Variants in LIF observed in about 807,000 individuals in gnomAD.
LIF encodes LIF interleukin 6 family cytokine.
A neutral mutation model predicts 15.0 loss-of-function variants in LIF; 9 were observed. The ratio of observed to expected loss-of-function variants is 0.60; its 90% CI spans 0.36 to 1.04. LIF has a LOEUF of 1.04. LIF is among the 50% of genes least tolerant of loss of function. The pLI, the probability that LIF is intolerant of heterozygous loss-of-function variation, is 0.01. For synonymous variants in LIF, 122 were observed against 119.7 expected (o/e 1.02, Z -0.13); for missense variants, 240 against 266.7 (o/e 0.90, Z 0.70).
Position 30,244,777 on chromosome 22 carries a change from G to T in LIF, c.176C>A (p.Ala59Asp). The change falls in exon 2 of 3, where the codon GCC becomes GAC. Residue 59 changes from alanine (A) to aspartate (D), a missense_variant. Physicochemically the swap from Ala to Asp is moderately radical, Grantham distance 126. Coordinates refer to ENST00000249075, the MANE Select transcript of LIF (RefSeq NM_002309.5). ...TACATAGAGAATAAAGAGGGCATTG[G>T]CACTGCCATTGAGCTGTGCCAGTTG... ...RSQLAQLNGS[A>D]NALFILYYTA... 3.1e-6 allele frequency: 5 copies of T among 1,614,160 alleles called. No homozygotes were observed. The highest frequency in any genetic ancestry group is 4.2e-6 in the Non-Finnish European group (5 of 1,179,994).
In LIF at chr22:30,244,937, G is replaced by A. The variant is rs141006128; in HGVS notation, c.20-4C>T. On this transcript the variant is annotated splice_polypyrimidine_tract_variant and splice_region_variant and intron_variant, in intron 1 of 2. Transcript: ENST00000249075. ...ACCAACAGCAGGGGCACAACTCCTG[G>A]GGACAGTCAGGAAGAAGCCATGAGT... 9.2e-4 allele frequency: 1,478 copies of A among 1,613,928 alleles called. 13 individuals are homozygous for A. In the African/African-American group the frequency reaches 0.018, roughly 19 times the overall value.
Position 30,243,771 on chromosome 22 carries a change from A to G in LIF, c.489T>C (p.His163=), listed in dbSNP as rs770356251. ...CRLCSKYHVG[H]VDVTYGPDTS... ...TGTCAGGGCCGTAGGTCACGTCCAC[A>G]TGGCCCACGTGGTACTTGCTGCACA... Residue 163 remains histidine (H), a synonymous_variant, in exon 3 of 3, where the codon CAT becomes CAC. Transcript: ENST00000249075. The surrounding 1 kb of genome is among the most constrained non-coding windows in gnomAD (Gnocchi z 6.0). 7 of 1,614,244 alleles carry G rather than the reference A, an allele frequency of 4.3e-6. No homozygotes were observed. The highest frequency in any genetic ancestry group is 2.2e-5 in the East Asian group (1 of 44,892).
rs745965314 is a variant in LIF at position 30,245,067 on chromosome 22, T to A, written c.20-134A>T. 8 of 797,078 alleles carry A rather than the reference T, an allele frequency of 1.0e-5. 1 individual carries two copies. The highest frequency in any genetic ancestry group is 1.7e-5 in the Non-Finnish European group (8 of 471,322). 49.4% of individuals were successfully genotyped at this position (797,078 alleles called of 1,614,324 possible). A position where few individuals can be genotyped will look rare whatever the true frequency, so the allele number is the denominator to read the frequency against. Reference sequence around the variant, plus strand: ...GGTTCCCCCTCACCACCTGCAGCTGTCTTCCTGGGGCCTAGTCTTCACTCT... The same window carrying A: ...GGTTCCCCCTCACCACCTGCAGCTGACTTCCTGGGGCCTAGTCTTCACTCT... On this transcript the variant is annotated intron_variant, in intron 1 of 2. Coordinates refer to ENST00000249075, the MANE Select transcript of LIF (RefSeq NM_002309.5).
At chr22:30,244,399 C>G (rs1453162263) in intron 2 of LIF, among the ~76,000 whole-genome samples, 1 of 152,134 alleles carries the variant, frequency 6.6e-6, no homozygotes, top group Non-Finnish European at 1.5e-5. Context: ...TTCCGGGACG[C>G]CCCTCCATGC....
chr22:30,242,303 C>G lies in LIF; in HGVS notation c.*1348G>C, dbSNP rs929272. 0.26 allele frequency: 39,860 copies of G among 151,834 alleles called. 6,408 individuals are homozygous for G. The highest frequency in any genetic ancestry group is 0.46 in the South Asian group (2,186 of 4,800). 9.4% of individuals were successfully genotyped at this position (151,834 alleles called of 1,614,324 possible). On this transcript the variant is annotated 3_prime_UTR_variant, in exon 3 of 3. Transcript: ENST00000249075. ...GCCCCTGCAGCCTGGACCCTGACAC[C>G]CTAAAGCAAGTCACAGTAGGGGATG...
In LIF at chr22:30,244,864, A is replaced by G. The variant is rs1193881099; in HGVS notation, c.89T>C (p.Val30Ala). The change falls in exon 2 of 3, where the codon GTC (valine) becomes GCC (alanine). Residue 30 changes from valine to alanine, a missense_variant. Coordinates refer to ENST00000249075, the MANE Select transcript of LIF (RefSeq NM_002309.5). ...GAGSPLPITP[V>A]NATCAIRHPC... ...GTGGCGTATGGCACAGGTGGCGTTG[A>G]CAGGGGTGATGGGGAGGGGGCTCCC... 6.2e-7 allele frequency: 1 copy of G among 1,614,170 alleles called. No individual in the cohort carries two copies. Among genetic ancestry groups the G allele is most frequent in the African/African-American group, 1.3e-5 (1 of 75,042 alleles).
chr22:30,243,269 G>A lies in LIF; in HGVS notation c.*382C>T, dbSNP rs539838337. 2.5e-4 allele frequency: 86 copies of A among 350,016 alleles called. 3 individuals are homozygous for A. The highest frequency in any genetic ancestry group is 2.2e-3 in the South Asian group (84 of 38,506). 21.7% of individuals were successfully genotyped at this position (350,016 alleles called of 1,614,324 possible). The stretch of plus-strand genomic sequence containing the variant: ...GATGGTGATAATTTGCTGGGGGCTG[G>A]TCCACTCCCCTGGGCCCTGCTGTCT... On this transcript the variant is annotated 3_prime_UTR_variant, in exon 3 of 3. Coordinates refer to ENST00000249075, the MANE Select transcript of LIF (RefSeq NM_002309.5). This position sits in a 1 kb window ranked among gnomAD's most constrained non-coding sequence, Gnocchi z 6.0.
intron 2 of LIF, 71 bp from the exon 3 acceptor site, chr22:30,244,132 C>A: frequency 6.9e-7 from 1 of 1,447,436 alleles, no homozygotes; most frequent in Non-Finnish European, 9.4e-7. Context: ...ACCCTTTGGG[C>A]AAGCTCTTGC....
chr22:30,246,649 G>T, intron 1 of LIF, 28 bp downstream of exon 1: 1 of 1,550,186 alleles, frequency 6.5e-7, no homozygotes, highest in African/African-American at 1.4e-5. Context: ...GCGGGGACGC[G>T]AAGCCGGCGC....
Position 30,244,896 on chromosome 22 carries a change from A to T in LIF, c.57T>A (p.His19Gln). ...VPLLLVLHWK[H>Q]GAGSPLPITP... ...TGATGGGGAGGGGGCTCCCCGCCCC[A>T]TGTTTCCAGTGCAGAACCAACAGCA... The change falls in exon 2 of 3, where the codon CAT becomes CAA. Residue 19 changes from histidine to glutamine, a missense_variant. Transcript: ENST00000249075. 6.2e-7 allele frequency: 1 copy of T among 1,614,040 alleles called. No homozygotes were observed. Among genetic ancestry groups the T allele is most frequent in the Non-Finnish European group, 8.5e-7 (1 of 1,179,990 alleles).
Position 30,243,486 on chromosome 22 carries a change from G to T in LIF, c.*165C>A. ...TTCCACTCTGCTCAGCTTCATCACA[G>T]CCCAGCCCAGAGTGGAGTGGACTGG... On this transcript the variant is annotated 3_prime_UTR_variant, in exon 3 of 3. Coordinates refer to ENST00000249075, the MANE Select transcript of LIF (RefSeq NM_002309.5). The surrounding 1 kb of genome is among the most constrained non-coding windows in gnomAD (Gnocchi z 6.0). 1.3e-6 allele frequency: 1 copy of T among 777,872 alleles called. No individual in the cohort carries two copies. The highest frequency in any genetic ancestry group is 2.2e-6 in the Non-Finnish European group (1 of 463,434). 48.2% of individuals were successfully genotyped at this position (777,872 alleles called of 1,614,324 possible).
rs114169546 is a variant in LIF, at chr22:30,243,845, C to T, written c.415G>A (p.Ala139Thr). Residue 139 changes from alanine (A) to threonine (T), a missense_variant, in exon 3 of 3, where the codon GCC becomes ACC. Physicochemically the swap from Ala to Thr is moderately conservative, Grantham distance 58. Transcript: ENST00000249075. The surrounding 1 kb of genome is among the most constrained non-coding windows in gnomAD (Gnocchi z 6.0). ...SALSLHSKLN[A>T]TADILRGLLS... ...AGGCCTCGCAGGATGTCGGCGGTGG[C>T]GTTGAGCTTGCTGTGGAGGCTGAGG... 1,518 of 1,614,220 alleles carry T rather than the reference C, an allele frequency of 9.4e-4. 12 individuals carry two copies. The African/African-American group carries it at 0.018, about 19-fold the overall frequency.
chr22:30,240,735 C>A lies in LIF; in HGVS notation c.*2916G>T. ...TGGATGCCGGGATTGAGGTGGGGAA[C>A]TAGAGATGACTCTAAGGCAGGAACA... On this transcript the variant is annotated 3_prime_UTR_variant, in exon 3 of 3. Transcript: ENST00000249075. The A allele has an allele frequency of 6.6e-6, 1 of 152,616 alleles. No individual in the cohort carries two copies. Among genetic ancestry groups the A allele is most frequent in the Non-Finnish European group, 1.5e-5 (1 of 68,042 alleles). 9.5% of individuals were successfully genotyped at this position (152,616 alleles called of 1,614,324 possible).
rs1358852336 is a variant in LIF at position 30,243,669 on chromosome 22, C to A, written c.591G>T (p.Val197=). 6.2e-7 allele frequency: 1 copy of A among 1,614,256 alleles called. No homozygotes were observed. The highest frequency in any genetic ancestry group is 1.3e-5 in the African/African-American group (1 of 75,070). Residue 197 remains valine, a synonymous_variant, in exon 3 of 3, where the codon GTG becomes GTT. Transcript: ENST00000249075. This position sits in a 1 kb window ranked among gnomAD's most constrained non-coding sequence, Gnocchi z 6.0. ...CCTCCTGCTAGAAGGCCTGGGCCAA[C>A]ACGGCGATGATCTGCTTATACTTCC... ...LLGKYKQIIA[V]LAQAF
rs933839414 is a variant in LIF at position 30,243,137 on chromosome 22, C to T, written c.*514G>A. Reference sequence around the variant, plus strand: ...AGAAGACAGCCTTCCATCCCAGAGGCCCCTCTCTATCTTCCACTCATCAAA... The same window carrying T: ...AGAAGACAGCCTTCCATCCCAGAGGTCCCTCTCTATCTTCCACTCATCAAA... On this transcript the variant is annotated 3_prime_UTR_variant, in exon 3 of 3. Transcript: ENST00000249075. The surrounding 1 kb of genome is among the most constrained non-coding windows in gnomAD (Gnocchi z 6.0). 1.7e-4 allele frequency: 29 copies of T among 171,004 alleles called. No homozygotes were observed. Among genetic ancestry groups the T allele is most frequent in the African/African-American group, 5.7e-4 (24 of 41,852 alleles). 10.6% of individuals were successfully genotyped at this position (171,004 alleles called of 1,614,324 possible).
intron 2 of LIF, among the ~76,000 whole-genome samples, chr22:30,244,262 C>CCATG (rs1419259008): frequency 6.6e-5 from 10 of 152,128 alleles, no homozygotes; most frequent in Non-Finnish European, 1.3e-4. Flanking sequence ...AAAGACTGAG[C>CCATG]CATGCACGCA....
rs762958876 is a variant in LIF at position 30,243,765 on chromosome 22, G to A, written c.495C>T (p.Asp165=). ...CCGAGGTGTCAGGGCCGTAGGTCAC[G>A]TCCACATGGCCCACGTGGTACTTGC... is the stretch of plus-strand genomic sequence containing the variant. ...LCSKYHVGHV[D]VTYGPDTSGK... The change falls in exon 3 of 3, where the codon GAC becomes GAT. Residue 165 remains aspartate, a synonymous_variant. Transcript: ENST00000249075. This position sits in a 1 kb window ranked among gnomAD's most constrained non-coding sequence, Gnocchi z 6.0. 2.6e-5 allele frequency: 42 copies of A among 1,614,130 alleles called. No homozygotes were observed. The highest frequency in any genetic ancestry group is 1.6e-4 in the Middle Eastern group (1 of 6,084).
At position 30,243,914 on chromosome 22, in the gene LIF, G is replaced by C. The variant is rs373784036; in HGVS notation, c.346C>G (p.Leu116Val). The C allele has an allele frequency of 6.2e-7, 1 of 1,614,222 alleles. No homozygotes were observed. Among genetic ancestry groups the C allele is most frequent in the South Asian group, 1.1e-5 (1 of 91,090 alleles). Reference protein sequence around the residue: ...YRIVVYLGTSLGNITRDQKIL... With the variant: ...YRIVVYLGTSVGNITRDQKIL... The stretch of plus-strand genomic sequence containing the variant: ...TTCTGGTCCCGGGTGATGTTGCCCA[G>C]GGAGGTGCCAAGGTACACGACTATG... Residue 116 changes from leucine to valine, a missense_variant, in exon 3 of 3, where the codon CTG (leucine) becomes GTG (valine). Coordinates refer to ENST00000249075, the MANE Select transcript of LIF (RefSeq NM_002309.5). This position sits in a 1 kb window ranked among gnomAD's most constrained non-coding sequence, Gnocchi z 6.0.
Position 30,244,947 on chromosome 22 carries a change from G to A in LIF, c.20-14C>T, listed in dbSNP as rs201682748. On this transcript the variant is annotated splice_polypyrimidine_tract_variant and intron_variant, in intron 1 of 2. Coordinates refer to ENST00000249075, the MANE Select transcript of LIF (RefSeq NM_002309.5). ...GGGGCACAACTCCTGGGGACAGTCAGGAAGAAGCCATGAGTAGAAAGGCAG... is the reference window on the plus strand; with the variant it reads ...GGGGCACAACTCCTGGGGACAGTCAAGAAGAAGCCATGAGTAGAAAGGCAG... The A allele has an allele frequency of 4.5e-5, 72 of 1,613,736 alleles. No homozygotes were observed. Among genetic ancestry groups the A allele is most frequent in the Non-Finnish European group, 5.0e-5 (59 of 1,179,874 alleles).
Sources: gnomAD v4.1 joint callset for allele counts (sites outside exome capture counted in the v4.1 genomes callset) on GRCh38, gnomAD v4.1.1 for gene constraint, Gnocchi (gnomAD v3.1) non-coding constraint, MANE v1.5 for transcripts, NCBI Gene and HGNC (gene_info 2026-07-23, HGNC 2026-07-21) for gene names.